The following SCO2 variants were observed in gnomAD, a reference collection of about 807,000 sequenced individuals.
SCO2 encodes the protein cytochrome c oxidase assembly factor SCO2.
For synonymous variants in SCO2, 195 were observed against 148.6 expected, an observed-to-expected ratio of 1.31 and a Z score of -2.27; for missense variants, 429 against 348.7, an observed-to-expected ratio of 1.23 and a Z score of -1.83.
In SCO2 at chr22:50,523,712, C is replaced by T; in HGVS notation, c.700G>A (p.Asp234Asn). 6.2e-7 allele frequency: 1 copy of T among 1,614,206 alleles called. No individual in the cohort carries two copies. Among genetic ancestry groups the T allele is most frequent in the Non-Finnish European group, 8.5e-7 (1 of 1,180,032 alleles). The change falls in exon 2 of 2, where the codon GAC (aspartate) becomes AAC (asparagine). Residue 234 changes from aspartate (D) to asparagine (N), a missense_variant. By Grantham distance (23) the Asp-to-Asn change is conservative. Transcript: ENST00000395693. ...CCGTAGTAATCCGTGAAGAGGCCGT[C>T]AGGGTTGAGCAGGTAGATGGCAATG... Reference protein sequence around the residue: ...HSIAIYLLNPDGLFTDYYGRS... With the variant: ...HSIAIYLLNPNGLFTDYYGRS...
At chr22:50,525,071 G>C (rs1008360732) in intron 1 of SCO2, among the ~76,000 whole-genome samples, 14 of 152,212 alleles carry the variant, frequency 9.2e-5, no homozygotes, top group African/African-American at 1.4e-4. Context: ...GGTGACCTTT[G>C]AGCCTTTCCC....
At chr22:50,525,415 C>G (rs564298199) in intron 1 of SCO2, 57 bp downstream of exon 1, 86 of 342,780 alleles carry the variant, frequency 2.5e-4, no homozygotes, top group South Asian at 2.4e-3. Flanking sequence ...GAAACTACCC[C>G]GGAGTCCAGC....
upstream of SCO2, chr22:50,526,107 C>T (rs1012026340): frequency 6.7e-7 from 1 of 1,489,552 alleles, no homozygotes; most frequent in African/African-American, 1.5e-5. Flanking sequence ...GCAGCACCAG[C>T]GCCAGCGGCA....
chr22:50,525,961 G>A (rs764518504), upstream of SCO2: 7 of 1,395,214 alleles, frequency 5.0e-6, no homozygotes, highest in East Asian at 1.5e-4. Context: ...GCCGGAGCTG[G>A]GCGGGGGTGC....
chr22:50,526,163 G>A, upstream of SCO2: 1 of 1,471,380 alleles, frequency 6.8e-7, no homozygotes, highest in South Asian at 1.3e-5. Context: ...GGGGCTGAGA[G>A]GCGCGGGCTC....
rs113185763 is a variant in SCO2 at position 50,523,710 on chromosome 22, G to A, written c.702C>T (p.Asp234=). The A allele has an allele frequency of 2.9e-5, 47 of 1,614,058 alleles. No individual in the cohort carries two copies. The highest frequency in any genetic ancestry group is 1.5e-4 in the African/African-American group (11 of 74,936). Residue 234 remains aspartate, a synonymous_variant, in exon 2 of 2, where the codon GAC becomes GAT. Coordinates refer to ENST00000395693, the MANE Select transcript of SCO2 (RefSeq NM_005138.3). ...GGCCGTAGTAATCCGTGAAGAGGCC[G>A]TCAGGGTTGAGCAGGTAGATGGCAA... is the stretch of plus-strand genomic sequence containing the variant. ...HSIAIYLLNP[D]GLFTDYYGRS... is the part of the protein sequence containing the mutation.
At chr22:50,524,542 A>AC (rs1451939490) in intron 1 of SCO2, 118 bp from the exon 2 acceptor site, 8 of 923,136 alleles carry the variant, frequency 8.7e-6, no homozygotes, top group Admixed American at 8.0e-5. Flanking sequence ...TTCAGGCTTA[A>AC]CAGGCATTTG....
At chr22:50,526,320 G>T (rs1603441843), upstream of SCO2, 1 of 1,562,596 alleles carries the variant, frequency 6.4e-7, no homozygotes. Context: ...GGGACTTCCC[G>T]AGCACAGGGC....
chr22:50,526,086 C>A (rs1322283167), upstream of SCO2: 1 of 1,486,414 alleles, frequency 6.7e-7, no homozygotes, highest in South Asian at 1.3e-5. Context: ...TGCGCCCGGC[C>A]CCGAGCTCGT....
upstream of SCO2, chr22:50,526,307 T>G (rs1459211212): frequency 6.4e-7 from 1 of 1,559,186 alleles, no homozygotes. Context: ...GCCGGCGTTC[T>G]GCGGGACTTC....
rs1296497374 is a variant in SCO2, at chr22:50,525,583, G to T, written c.-125C>A. Reference sequence around the variant, plus strand: ...GAAAGCGGGCGCCACACGCTCACAGGCAGGGCGCAGGCGTCCCCGGAGCTG... The same window carrying T: ...GAAAGCGGGCGCCACACGCTCACAGTCAGGGCGCAGGCGTCCCCGGAGCTG... On this transcript the variant is annotated 5_prime_UTR_variant, in exon 1 of 2. Coordinates refer to ENST00000395693, the MANE Select transcript of SCO2 (RefSeq NM_005138.3). The T allele has an allele frequency of 2.3e-6, 2 of 869,354 alleles. No homozygotes were observed. Among genetic ancestry groups the T allele is most frequent in the African/African-American group, 1.8e-5 (1 of 56,708 alleles). The allele number at this position is 869,354 out of a possible 1,614,324, so 53.9% of individuals were successfully genotyped here.
In SCO2 at chr22:50,524,013, G is replaced by GCA; in HGVS notation, c.397_398dup (p.Pro134AlafsTer59). 1 of 1,613,418 alleles carries GCA rather than the reference G, an allele frequency of 6.2e-7. No individual in the cohort carries two copies. The highest frequency in any genetic ancestry group is 8.5e-7 in the Non-Finnish European group (1 of 1,180,028). On this transcript the variant is annotated frameshift_variant, in exon 2 of 2. Coordinates refer to ENST00000395693, the MANE Select transcript of SCO2 (RefSeq NM_005138.3). LOFTEE classifies it low-confidence loss of function (END_TRUNC). ...CCAGCTCGTCTGGGCAGATGTCAGG[G>GCA]CAGTGAGTGAAGCCAAAGTACATCA...
In SCO2 at chr22:50,523,829, T is replaced by G. The variant is rs776712105; in HGVS notation, c.583A>C (p.Thr195Pro). 1 of 1,614,082 alleles carries G rather than the reference T, an allele frequency of 6.2e-7. No homozygotes were observed. Among genetic ancestry groups the G allele is most frequent in the Admixed American group, 1.7e-5 (1 of 60,018 alleles). ...TGACTAGCCTGGGCAACCTGTTTGGTGGAGCCGGTCAGACCCAACAGTCTT... is the reference window on the plus strand; with the variant it reads ...TGACTAGCCTGGGCAACCTGTTTGGGGGAGCCGGTCAGACCCAACAGTCTT... ...HPRLLGLTGS[T>P]KQVAQASHSY... is the part of the protein sequence containing the mutation. Residue 195 changes from threonine (T) to proline (P), a missense_variant, in exon 2 of 2, where the codon ACC becomes CCC. Thr to Pro is a conservative substitution (Grantham distance 38, BLOSUM62 -1). Transcript: ENST00000395693.
At position 50,524,433 on chromosome 22, in the gene SCO2, A is replaced by G; in HGVS notation, c.-13-9T>C. ...GCATGGATCTGATGCTCCTGGAAAC[A>G]AGCACAGGCGTCAGGAGCCAGAAGG... is the stretch of plus-strand genomic sequence containing the variant. On this transcript the variant is annotated splice_polypyrimidine_tract_variant and intron_variant, in intron 1 of 1. Coordinates refer to ENST00000395693, the MANE Select transcript of SCO2 (RefSeq NM_005138.3). The G allele has an allele frequency of 1.2e-6, 2 of 1,609,530 alleles. No homozygotes were observed. Among genetic ancestry groups the G allele is most frequent in the Non-Finnish European group, 1.7e-6 (2 of 1,179,096 alleles).
intron 1 of SCO2, 45 bp from the exon 2 acceptor site, chr22:50,524,469 G>A (rs2069240997): frequency 1.3e-6 from 2 of 1,571,398 alleles, no homozygotes; most frequent in Non-Finnish European, 1.7e-6. Context: ...GAAGGCCCAG[G>A]ACAGTGCCTG....
rs1282977832 is a variant in SCO2 at position 50,524,094 on chromosome 22, C to T, written c.318G>A (p.Leu106=). 6.2e-7 allele frequency: 1 copy of T among 1,613,008 alleles called. No homozygotes were observed. The highest frequency in any genetic ancestry group is 8.5e-7 in the Non-Finnish European group (1 of 1,180,028). ...QAAVGQGDFH[L]LDHRGRARCK... ...AGCGAGCCCGGCCTCTGTGATCCAGCAGGTGGAAGTCGCCCTGGCCCACAG... is the reference window on the plus strand; with the variant it reads ...AGCGAGCCCGGCCTCTGTGATCCAGTAGGTGGAAGTCGCCCTGGCCCACAG... The change falls in exon 2 of 2, where the codon CTG becomes CTA. Residue 106 remains leucine (L), a synonymous_variant. Transcript: ENST00000395693.
chr22:50,526,253 G>C, upstream of SCO2: 1 of 1,535,846 alleles, frequency 6.5e-7, no homozygotes, highest in Non-Finnish European at 8.7e-7. Flanking sequence ...CACCATCTGC[G>C]GGCGCCAGCA....
At chr22:50,524,866 G>A (rs1603441719) in intron 1 of SCO2, 1 of 358,192 alleles carries the variant, frequency 2.8e-6, no homozygotes, top group African/African-American at 2.2e-5. Flanking sequence ...TCAACCAACC[G>A]CGGCCTTCCT....
At chr22:50,526,137 G>A (rs1285768890), upstream of SCO2, 2 of 1,484,418 alleles carry the variant, frequency 1.3e-6, no homozygotes, top group East Asian at 2.8e-5. Flanking sequence ...CCAGCTCCAC[G>A]GTGCCTGCGG....
Sources: allele counts gnomAD v4.1 joint callset (sites outside exome capture counted in the v4.1 genomes callset), GRCh38; gene constraint gnomAD v4.1.1; transcripts MANE v1.5; gene names NCBI Gene and HGNC (gene_info 2026-07-23, HGNC 2026-07-21).